ADAMTSL1: variants seen among roughly 807,000 people sequenced by gnomAD.
ADAMTSL1 encodes ADAMTS like 1, also known as ADAMTS-like protein 1.
In ADAMTSL1, 126 loss-of-function variants were observed where a neutral mutation model predicts 201.8. The ratio of observed to expected loss-of-function variants is 0.62; its 90% confidence interval spans 0.54 to 0.72. The LOEUF is 0.72. Ranked by LOEUF, ADAMTSL1 falls within the 30% of genes least tolerant of loss-of-function variation. ADAMTSL1 has a pLI of 0.00. For synonymous variants in ADAMTSL1, 1,121 were observed against 903.4 expected (o/e 1.24, Z -4.32); for missense variants, 2,679 against 2,277.8 (o/e 1.18, Z -3.59).
At chr9:18,372,969 C>T (rs1201396587) in intron 2 of ADAMTSL1, among the ~76,000 whole-genome samples, 1 of 152,158 alleles carries the variant, frequency 6.6e-6, no homozygotes, top group African/African-American at 2.4e-5. Flanking sequence ...CTGTCCTGGG[C>T]ATATTATAAC....
chr9:18,902,986 C>G (rs754469577), intron 26 of ADAMTSL1, among the ~76,000 whole-genome samples: 3 of 152,168 alleles, frequency 2.0e-5, no homozygotes, highest in Non-Finnish European at 2.9e-5. Flanking sequence ...AGGCAGATCA[C>G]TTGAGGTCAG....
intron 2 of ADAMTSL1, among the ~76,000 whole-genome samples, chr9:18,347,721 G>T (rs1411719289): frequency 6.6e-6 from 1 of 152,110 alleles, no homozygotes; most frequent in Non-Finnish European, 1.5e-5. Flanking sequence ...AGGCCTTTTT[G>T]CTCATGCCAT....
At chr9:17,936,859 G>A (rs1051711399) in intron 1 of ADAMTSL1, among the ~76,000 whole-genome samples, 3 of 152,118 alleles carry the variant, frequency 2.0e-5, no homozygotes, top group Admixed American at 6.5e-5. Context: ...AGTGGTACAG[G>A]CAGTGAGTTT....
intron 26 of ADAMTSL1, among the ~76,000 whole-genome samples, chr9:18,893,150 A>C (rs1385380918): frequency 6.6e-6 from 1 of 151,990 alleles, no homozygotes; most frequent in Non-Finnish European, 1.5e-5. Flanking sequence ...ATAATCAAAC[A>C]GGCATGAGCT....
rs999374235 is a variant in ADAMTSL1 at position 18,673,930 on chromosome 9, G to GA, written c.1086-1918dup. 9.0e-4 allele frequency among the ~76,000 whole-genome samples: 135 copies of GA among 150,808 alleles called. 1 individual carries two copies. The highest frequency in any genetic ancestry group is 2.7e-3 in the African/African-American group (112 of 41,124). On this transcript the variant is annotated intron_variant, in intron 9 of 28. Transcript: ENST00000380548. ...CATTCTTTAAAATATAGTCCTTTTA[G>GA]AAAAAAAAATTCCCTTTATTACTAG...
At chr9:18,602,327 C>A (rs754522449) in intron 4 of ADAMTSL1, among the ~76,000 whole-genome samples, 1 of 152,222 alleles carries the variant, frequency 6.6e-6, no homozygotes, top group Non-Finnish European at 1.5e-5. Context: ...ACTTCTGCTG[C>A]AAACATGAGC....
At chr9:18,805,072 A>G (rs916482701) in intron 20 of ADAMTSL1, among the ~76,000 whole-genome samples, 2 of 152,174 alleles carry the variant, frequency 1.3e-5, no homozygotes, top group Non-Finnish European at 2.9e-5. Flanking sequence ...TCTTCCATGG[A>G]TATCACAACT....
intron 4 of ADAMTSL1, among the ~76,000 whole-genome samples, chr9:18,613,762 G>GA (rs915827547): frequency 2.0e-5 from 3 of 152,038 alleles, no homozygotes. Flanking sequence ...GACAGGATCA[G>GA]AAAAAAACTA....
chr9:18,688,390 A>G (rs1301004445), intron 13 of ADAMTSL1, among the ~76,000 whole-genome samples: 1 of 151,330 alleles, frequency 6.6e-6, no homozygotes, highest in Non-Finnish European at 1.5e-5. Context: ...AGCCTCCCAA[A>G]GTGCTGGGAT....
chr9:18,042,883 G>A (rs797000091), intron 1 of ADAMTSL1, among the ~76,000 whole-genome samples: 1 of 152,208 alleles, frequency 6.6e-6, no homozygotes, highest in African/African-American at 2.4e-5. Flanking sequence ...TAATTGTCAA[G>A]ACCTCTGCTT....
At chr9:18,503,024 G>A (rs1025240795) in intron 1 of ADAMTSL1, among the ~76,000 whole-genome samples, 27 of 151,914 alleles carry the variant, frequency 1.8e-4, no homozygotes, top group Non-Finnish European at 3.5e-4. Flanking sequence ...ATTTGTTTTT[G>A]TGCCAGTGAA....
chr9:18,469,234 C>T (rs1376984985), upstream of ADAMTSL1, among the ~76,000 whole-genome samples: 2 of 152,172 alleles, frequency 1.3e-5, no homozygotes, highest in East Asian at 1.9e-4. Flanking sequence ...ATTCTCATGG[C>T]CCTTTGCTTT....
chr9:18,300,005 T>C (rs1833636739), intron 2 of ADAMTSL1, among the ~76,000 whole-genome samples: 1 of 152,194 alleles, frequency 6.6e-6, no homozygotes, highest in South Asian at 2.1e-4. Context: ...ACTTTTACAC[T>C]ATTGGTGGGA....
chr9:18,326,542 G>A (rs910358192), intron 2 of ADAMTSL1, among the ~76,000 whole-genome samples: 2 of 151,896 alleles, frequency 1.3e-5, no homozygotes, highest in South Asian at 4.1e-4. Flanking sequence ...TTTACTAACT[G>A]TAAGAAAATA....
chr9:18,581,246 C>T (rs1203522324), intron 4 of ADAMTSL1, among the ~76,000 whole-genome samples: 2 of 152,176 alleles, frequency 1.3e-5, no homozygotes, highest in Non-Finnish European at 2.9e-5. Flanking sequence ...TCTGTGTCTT[C>T]ACCTCTTCTT....
intron 1 of ADAMTSL1, among the ~76,000 whole-genome samples, chr9:17,972,915 T>C (rs1464784603): frequency 6.7e-6 from 1 of 149,720 alleles, no homozygotes; most frequent in Non-Finnish European, 1.5e-5. Context: ...TGATGGCCAG[T>C]GATGATGGGC....
chr9:18,745,282 TC>T (rs1819066809), intron 15 of ADAMTSL1, among the ~76,000 whole-genome samples: 2 of 152,240 alleles, frequency 1.3e-5, no homozygotes, highest in Admixed American at 1.3e-4. Flanking sequence ...AGCATTCTAC[TC>T]TAAGGTAGTT....
At chr9:18,145,115 C>T (rs937181075) in intron 1 of ADAMTSL1, among the ~76,000 whole-genome samples, 1 of 152,036 alleles carries the variant, frequency 6.6e-6, no homozygotes, top group African/African-American at 2.4e-5. Context: ...ATTCTGACAG[C>T]TAAAGAGGTG....
intron 1 of ADAMTSL1, among the ~76,000 whole-genome samples, chr9:18,161,133 T>G (rs1447136684): frequency 6.6e-6 from 1 of 152,018 alleles, no homozygotes; most frequent in Non-Finnish European, 1.5e-5. Flanking sequence ...CAGACATTCT[T>G]TCTTAAACAA....
Sources: gnomAD v4.1 joint callset for allele counts (sites outside exome capture counted in the v4.1 genomes callset) on GRCh38, gnomAD v4.1.1 for gene constraint, MANE v1.5 for transcripts, NCBI Gene and HGNC (gene_info 2026-07-23, HGNC 2026-07-21) for gene names.